Variants in MDGA2 observed in about 807,000 individuals in gnomAD.
MDGA2 encodes the protein MAM domain-containing glycosylphosphatidylinositol anchor protein 2.
Under a neutral mutation model 117.8 loss-of-function variants are expected in MDGA2, and 40 were observed. The ratio of observed to expected loss-of-function variants is 0.34; its 90% CI spans 0.26 to 0.44. The LOEUF (loss-of-function observed/expected upper bound fraction) is 0.44. Ranked by LOEUF, MDGA2 falls within the 20% of genes least tolerant of loss-of-function variation. The pLI, the probability that MDGA2 is intolerant of heterozygous loss-of-function variation, is 1.00. For synonymous variants in MDGA2, 452 were observed against 439.0 expected, an observed-to-expected ratio of 1.03 and a Z score of -0.37; for missense variants, 1,123 against 1,250.6, an observed-to-expected ratio of 0.90 and a Z score of 1.54.
intron 9 of MDGA2, among the ~76,000 whole-genome samples, chr14:46,946,325 TATG>T: frequency 6.6e-6 from 1 of 152,132 alleles, no homozygotes; most frequent in East Asian, 1.9e-4. Flanking sequence ...TGCCAATTTA[TATG>T]ATAATTATTG....
chr14:47,226,835 A>C (rs1164747771), intron 2 of MDGA2, among the ~76,000 whole-genome samples: 2 of 151,952 alleles, frequency 1.3e-5, no homozygotes, highest in African/African-American at 4.8e-5. Flanking sequence ...AGGTAAGAAA[A>C]ATTTTCCTCC....
chr14:47,390,592 T>TG (rs1891872019), intron 1 of MDGA2, among the ~76,000 whole-genome samples: 1 of 152,204 alleles, frequency 6.6e-6, no homozygotes, highest in Non-Finnish European at 1.5e-5. Flanking sequence ...TTGTTTATCT[T>TG]GGGAACACGT....
chr14:47,322,125 T>C (rs1290366662), intron 1 of MDGA2, among the ~76,000 whole-genome samples: 1 of 152,156 alleles, frequency 6.6e-6, no homozygotes, highest in Admixed American at 6.6e-5. Context: ...AAGTACTTCC[T>C]GTTAACAGTG....
intron 1 of MDGA2, among the ~76,000 whole-genome samples, chr14:47,366,418 T>C (rs1263846646): frequency 6.6e-6 from 1 of 152,058 alleles, no homozygotes; most frequent in Non-Finnish European, 1.5e-5. Context: ...AGTTGATTAT[T>C]CTTTCTAGTC....
chr14:46,930,761 A>G (rs1884538222), intron 9 of MDGA2, among the ~76,000 whole-genome samples: 1 of 152,134 alleles, frequency 6.6e-6, no homozygotes, highest in African/African-American at 2.4e-5. Context: ...ACCACATTAT[A>G]TTTTATCACC....
intron 10 of MDGA2, among the ~76,000 whole-genome samples, chr14:46,914,124 G>A (rs2138491483): frequency 6.6e-6 from 1 of 152,184 alleles, no homozygotes; most frequent in East Asian, 1.9e-4. Flanking sequence ...TTCAAATGAA[G>A]TAAAATGATG....
intron 5 of MDGA2, among the ~76,000 whole-genome samples, chr14:47,107,119 G>T (rs1167529609): frequency 1.4e-5 from 2 of 148,090 alleles, no homozygotes; most frequent in Non-Finnish European, 3.0e-5. Flanking sequence ...GACCGATCAT[G>T]CACCCCTTAC....
At chr14:47,377,967 G>A (rs546355224) in intron 1 of MDGA2, among the ~76,000 whole-genome samples, 107 of 152,316 alleles carry the variant, frequency 7.0e-4, no homozygotes, top group African/African-American at 2.5e-3. Flanking sequence ...CCCAGTAGGG[G>A]CCAACTGACA....
At chr14:46,881,910 G>A in intron 11 of MDGA2, 134 bp downstream of exon 11, 1 of 491,822 alleles carries the variant, frequency 2.0e-6, no homozygotes, top group Non-Finnish European at 3.3e-6. Flanking sequence ...TTTTTGTTTA[G>A]TTAACTGGCT....
intron 3 of MDGA2, among the ~76,000 whole-genome samples, chr14:47,212,629 C>A (rs1885926989): frequency 6.6e-6 from 1 of 152,072 alleles, no homozygotes; most frequent in Non-Finnish European, 1.5e-5. Flanking sequence ...TTACTGATTT[C>A]TTCTTACAGA....
chr14:46,934,396 A>G (rs1417330025), intron 9 of MDGA2, among the ~76,000 whole-genome samples: 1 of 152,144 alleles, frequency 6.6e-6, no homozygotes, highest in Non-Finnish European at 1.5e-5. Context: ...CTCACAAAGA[A>G]CTTTCACAAA....
At chr14:47,120,869 C>G (rs1881615145) in intron 5 of MDGA2, among the ~76,000 whole-genome samples, 1 of 152,114 alleles carries the variant, frequency 6.6e-6, no homozygotes, top group Non-Finnish European at 1.5e-5. Flanking sequence ...ATTAAAAGCT[C>G]CACGTAAACC....
chr14:47,077,536 G>T (rs1470192667), intron 6 of MDGA2, among the ~76,000 whole-genome samples: 1 of 151,920 alleles, frequency 6.6e-6, no homozygotes, highest in East Asian at 1.9e-4. Flanking sequence ...TCTACATAAT[G>T]GGACTTAACC....
chr14:47,360,869 A>T (rs951055257), intron 1 of MDGA2, among the ~76,000 whole-genome samples: 3 of 152,104 alleles, frequency 2.0e-5, no homozygotes, highest in Non-Finnish European at 2.9e-5. Context: ...AGTAAAATAA[A>T]TCAGATACAG....
intron 1 of MDGA2, among the ~76,000 whole-genome samples, chr14:47,509,033 T>C (rs1469919859): frequency 1.3e-5 from 2 of 152,094 alleles, no homozygotes; most frequent in East Asian, 1.9e-4. Flanking sequence ...AGAGTTAAGA[T>C]GGTTGCAGAT....
At chr14:47,346,576 C>T (rs185216945) in intron 1 of MDGA2, among the ~76,000 whole-genome samples, 1 of 152,290 alleles carries the variant, frequency 6.6e-6, no homozygotes, top group Admixed American at 6.5e-5. Context: ...GTCCTTCCTA[C>T]TCAGAGAGTT....
At position 47,361,154 on chromosome 14, in the gene MDGA2, CTATGTATATG is replaced by C. The variant is rs1266227399; in HGVS notation, c.281-59614_281-59605del. 2.0e-5 allele frequency among the ~76,000 whole-genome samples: 3 copies of C among 151,284 alleles called. No homozygotes were observed. In the South Asian group the frequency reaches 6.3e-4, roughly 32 times the overall value. On this transcript the variant is annotated intron_variant, in intron 1 of 16. Transcript: ENST00000399232. ...TTGCTTGCCAGTAGTAATCATTTCA[CTATGTATATG>C]TATTTCAAAATGTCATGTTGTACTC...
intron 1 of MDGA2, among the ~76,000 whole-genome samples, chr14:47,551,007 C>G (rs1895570478): frequency 6.6e-6 from 1 of 151,924 alleles, no homozygotes; most frequent in African/African-American, 2.4e-5. Flanking sequence ...CTTTTTAAAG[C>G]ACAAATAGAG....
chr14:47,665,807 C>G (rs1429201926), intron 1 of MDGA2, among the ~76,000 whole-genome samples: 2 of 6,538 alleles, frequency 3.1e-4, no homozygotes, highest in Admixed American at 2.3e-3. Context: ...CCCTCCCTCG[C>G]CCCCCCTCCC....
Sources: gnomAD v4.1 joint callset for allele counts (sites outside exome capture counted in the v4.1 genomes callset) on GRCh38, gnomAD v4.1.1 for gene constraint, MANE v1.5 for transcripts, NCBI Gene and HGNC (gene_info 2026-07-23, HGNC 2026-07-21) for gene names.